The following ZNF385D variants were observed in gnomAD, a reference collection of about 807,000 sequenced individuals.
The protein encoded by ZNF385D is zinc finger protein 385D, also known as zinc finger protein 659.
A neutral mutation model predicts 35.8 loss-of-function variants in ZNF385D; 15 were observed. That is an observed-to-expected ratio of 0.42 (90% CI 0.28 to 0.64). The LOEUF (loss-of-function observed/expected upper bound fraction) is 0.64, where lower values mean the gene tolerates loss of function less well. ZNF385D is among the 30% of genes least tolerant of loss of function. The pLI, the probability that ZNF385D is intolerant of heterozygous loss-of-function variation, is 0.23. For missense variants in ZNF385D, 474 were observed against 494.6 expected, an observed-to-expected ratio of 0.96 and a Z score of 0.39; for synonymous variants, 212 against 186.8, an observed-to-expected ratio of 1.13 and a Z score of -1.10.
intron 2 of ZNF385D, among the ~76,000 whole-genome samples, chr3:22,368,419 C>A (rs1368288392): frequency 6.6e-6 from 1 of 152,152 alleles, no homozygotes; most frequent in Non-Finnish European, 1.5e-5. Context: ...CCTTCAACTT[C>A]CTCTAATTGC....
At chr3:22,099,875 T>C (rs1701836775) in intron 3 of ZNF385D, among the ~76,000 whole-genome samples, 2 of 151,502 alleles carry the variant, frequency 1.3e-5, no homozygotes, top group Admixed American at 1.3e-4. Context: ...ATGTATAGAA[T>C]ATTAGGCCAA....
chr3:22,160,751 A>G (rs35780386), intron 3 of ZNF385D, among the ~76,000 whole-genome samples: 33,489 of 151,234 alleles, frequency 0.22, 3,913 homozygotes, highest in East Asian at 0.42. Flanking sequence ...ATTTGATAGC[A>G]GTTTCAGCCC....
chr3:22,094,325 C>A (rs1165675455), intron 3 of ZNF385D, among the ~76,000 whole-genome samples: 1 of 106,200 alleles, frequency 9.4e-6, no homozygotes, highest in Admixed American at 9.7e-5. Flanking sequence ...TAAGTTGTAC[C>A]CTTTTTTTTC....
chr3:22,134,665 G>T (rs1198544338), intron 3 of ZNF385D, among the ~76,000 whole-genome samples: 1 of 152,136 alleles, frequency 6.6e-6, no homozygotes, highest in East Asian at 1.9e-4. Flanking sequence ...GAATCCCTAA[G>T]ACTGTATAAT....
intron 3 of ZNF385D, among the ~76,000 whole-genome samples, chr3:21,826,471 T>C (rs1694635763): frequency 6.6e-6 from 1 of 152,110 alleles, no homozygotes; most frequent in South Asian, 2.1e-4. Context: ...CAGAGGGTGA[T>C]AGAGTTGTTG....
intron 4 of ZNF385D, 82 bp from the exon 5 acceptor site, chr3:21,437,285 C>A (rs887641454): frequency 1.5e-5 from 19 of 1,294,162 alleles, no homozygotes; most frequent in Admixed American, 4.7e-5. Context: ...ATGAATATTG[C>A]ATTCTGCTTA....
At chr3:21,517,629 A>G (rs1707660966) in intron 3 of ZNF385D, among the ~76,000 whole-genome samples, 1 of 152,306 alleles carries the variant, frequency 6.6e-6, no homozygotes, top group Admixed American at 6.5e-5. Context: ...CTCCAATCAG[A>G]GTTAATACAA....
intron 2 of ZNF385D, among the ~76,000 whole-genome samples, chr3:21,655,209 T>C (rs891698734): frequency 2.0e-5 from 3 of 152,034 alleles, no homozygotes; most frequent in African/African-American, 4.8e-5. Context: ...GTGTTTCTCC[T>C]AACCTTCAAC....
chr3:21,959,790 C>G (rs1385876223), intron 3 of ZNF385D, among the ~76,000 whole-genome samples: 3 of 152,150 alleles, frequency 2.0e-5, no homozygotes, highest in Admixed American at 2.0e-4. Flanking sequence ...AATAGAGAAT[C>G]TGACCTAGAA....
At chr3:22,169,960 C>T (rs1465733329) in intron 2 of ZNF385D, among the ~76,000 whole-genome samples, 1 of 152,070 alleles carries the variant, frequency 6.6e-6, no homozygotes, top group East Asian at 1.9e-4. Flanking sequence ...AATTATTGTC[C>T]AGTAAGATGG....
intron 3 of ZNF385D, among the ~76,000 whole-genome samples, chr3:21,821,276 A>T (rs1038653598): frequency 9.9e-5 from 15 of 152,170 alleles, no homozygotes; most frequent in Non-Finnish European, 1.0e-4. Context: ...ATGCAGCAGA[A>T]AGTTAAGAAA....
At chr3:21,889,185 T>C (rs189592324) in intron 3 of ZNF385D, among the ~76,000 whole-genome samples, 1 of 152,304 alleles carries the variant, frequency 6.6e-6, no homozygotes, top group East Asian at 1.9e-4. Context: ...AGAGAATACC[T>C]GAAGCAGCTT....
chr3:22,105,660 G>A (rs535975370), intron 3 of ZNF385D, among the ~76,000 whole-genome samples: 1 of 152,042 alleles, frequency 6.6e-6, no homozygotes, highest in African/African-American at 2.4e-5. Context: ...AGATGTCCTG[G>A]CCCAACCAGT....
rs3064963 is a variant in ZNF385D, at chr3:21,413,603, T to TTACA, written c.*7610_*7611insTGTA. 9.2e-5 allele frequency: 14 copies of TTACA among 152,052 alleles called. No homozygotes were observed. Among genetic ancestry groups the TTACA allele is most frequent in the Middle Eastern group, 3.4e-3 (1 of 294 alleles). 9.4% of individuals were successfully genotyped at this position (152,052 alleles called of 1,614,324 possible). On this transcript the variant is annotated 3_prime_UTR_variant, in exon 8 of 8. Coordinates refer to ENST00000281523, the MANE Select transcript of ZNF385D (RefSeq NM_024697.3). ...ATATGATCCTTTGCCAAGAGATTGATATTAGATAAAACCCTGGTTATATTT... is the reference window on the plus strand; with the variant it reads ...ATATGATCCTTTGCCAAGAGATTGATTACAATTAGATAAAACCCTGGTTATATTT...
At chr3:22,247,274 G>T (rs556994334) in intron 2 of ZNF385D, among the ~76,000 whole-genome samples, 19 of 151,834 alleles carry the variant, frequency 1.3e-4, no homozygotes, top group African/African-American at 4.6e-4. Flanking sequence ...CTAATTAAAA[G>T]AAAAACTAAA....
intron 4 of ZNF385D, among the ~76,000 whole-genome samples, chr3:21,441,127 A>G (rs1701838802): frequency 6.6e-6 from 1 of 152,192 alleles, no homozygotes; most frequent in Non-Finnish European, 1.5e-5. Context: ...CATCCCATAA[A>G]GACTTGAAAT....
At chr3:22,042,121 G>C (rs1313261860) in intron 3 of ZNF385D, among the ~76,000 whole-genome samples, 2 of 152,022 alleles carry the variant, frequency 1.3e-5, no homozygotes, top group Non-Finnish European at 2.9e-5. Context: ...GACTAGAATT[G>C]GCCTTATGTA....
At chr3:22,048,255 A>G (rs1699127534) in intron 3 of ZNF385D, among the ~76,000 whole-genome samples, 1 of 151,272 alleles carries the variant, frequency 6.6e-6, no homozygotes, top group Non-Finnish European at 1.5e-5. Context: ...CTGTAATCCC[A>G]TTTGCTTTTG....
At chr3:22,315,449 G>A (rs138022356) in intron 2 of ZNF385D, among the ~76,000 whole-genome samples, 1 of 152,292 alleles carries the variant, frequency 6.6e-6, no homozygotes, top group African/African-American at 2.4e-5. Context: ...GCAGAGAATA[G>A]ATTACACAGT....
Sources: gnomAD v4.1 joint callset for allele counts (sites outside exome capture counted in the v4.1 genomes callset) on GRCh38, gnomAD v4.1.1 for gene constraint, MANE v1.5 for transcripts, NCBI Gene and HGNC (gene_info 2026-07-23, HGNC 2026-07-21) for gene names.